CACNA1E: variants seen among roughly 807,000 people sequenced by gnomAD.
CACNA1E encodes the protein voltage-dependent R-type calcium channel subunit alpha-1E.
CACNA1E carries 40 observed loss-of-function variants against 259.2 expected under a neutral mutation model. The ratio of observed to expected loss-of-function variants is 0.15; its 90% CI spans 0.12 to 0.20. The LOEUF is 0.20. Among genes scored for constraint, CACNA1E ranks in the 10% least tolerant of loss-of-function variants. CACNA1E has a pLI of 1.00. For missense variants in CACNA1E, 1,874 were observed against 3,040.1 expected (o/e 0.62, Z 9.02); for synonymous variants, 1,104 against 1,138.5 (o/e 0.97, Z 0.61).
chr1:181,784,728 A>G lies in CACNA1E; in HGVS notation c.5538A>G (p.Leu1846=). Residue 1846 remains leucine, a synonymous_variant, in exon 41 of 48, where the codon CTA becomes CTG. Coordinates refer to ENST00000367573, the MANE Select transcript of CACNA1E (RefSeq NM_001205293.3). ...QKETLAIWPH[L]SQKMLDLLVP... ...AGACCCTAGCCATCTGGCCTCACCT[A>G]TCCCAGAAGATGCTGGATCTGCTTG... is the stretch of plus-strand genomic sequence containing the variant. 1 of 1,584,748 alleles carries G rather than the reference A, an allele frequency of 6.3e-7. No individual in the cohort carries two copies. The highest frequency in any genetic ancestry group is 1.8e-5 in the Admixed American group (1 of 56,458).
rs10708641 is a variant in CACNA1E, at chr1:181,439,333, A to ATT, written c.434+25767_434+25768dup. Among the ~76,000 whole-genome samples, 195 of 148,028 alleles carry ATT rather than the reference A, an allele frequency of 1.3e-3. 1 individual carries two copies. Among genetic ancestry groups the ATT allele is most frequent in the African/African-American group, 4.5e-3 (182 of 40,404 alleles). On this transcript the variant is annotated intron_variant, in intron 2 of 11. Coordinates refer to the CACNA1E transcript ENST00000524607. Reference sequence around the variant, plus strand: ...GAAGGTTAGAGTTTCCCAAATTTAGATTTTTTTTTTTTTTTAAAGAACTGC... The same window carrying ATT: ...GAAGGTTAGAGTTTCCCAAATTTAGATTTTTTTTTTTTTTTTTAAAGAACTGC...
chr1:181,739,455 G>A (rs1278328139), intron 25 of CACNA1E, among the ~76,000 whole-genome samples: 3 of 152,184 alleles, frequency 2.0e-5, no homozygotes, highest in Non-Finnish European at 2.9e-5. Context: ...GCAGAACGGG[G>A]GAAGCAGGAG....
intron 1 of CACNA1E, among the ~76,000 whole-genome samples, chr1:181,372,118 T>C (rs1654750829): frequency 6.6e-6 from 1 of 152,238 alleles, no homozygotes; most frequent in Non-Finnish European, 1.5e-5. Context: ...AATAGTTTCT[T>C]ATAATTCTGT....
intron 1 of CACNA1E, among the ~76,000 whole-genome samples, chr1:181,498,559 T>C (rs1355072930): frequency 6.6e-6 from 1 of 152,240 alleles, no homozygotes; most frequent in African/African-American, 2.4e-5. Flanking sequence ...GTTGTAATCA[T>C]GTATGCTCTT....
chr1:181,487,140 C>T (rs1372390941), intron 1 of CACNA1E, among the ~76,000 whole-genome samples: 1 of 151,836 alleles, frequency 6.6e-6, no homozygotes, highest in East Asian at 1.9e-4. Flanking sequence ...GTTTGTGTTA[C>T]AACACGTTTT....
At chr1:181,590,055 G>C (rs781021869) in intron 6 of CACNA1E, among the ~76,000 whole-genome samples, 1 of 152,102 alleles carries the variant, frequency 6.6e-6, no homozygotes, top group Non-Finnish European at 1.5e-5. Flanking sequence ...AACAATATGC[G>C]TAGATTTACA....
chr1:181,604,594 T>C (rs1213685502), intron 6 of CACNA1E, among the ~76,000 whole-genome samples: 1 of 152,238 alleles, frequency 6.6e-6, no homozygotes, highest in African/African-American at 2.4e-5. Flanking sequence ...TCTAATGCCA[T>C]TTTCTATTGA....
chr1:181,334,979 C>T (rs1339037934), intron 1 of CACNA1E, among the ~76,000 whole-genome samples: 1 of 152,216 alleles, frequency 6.6e-6, no homozygotes, highest in Non-Finnish European at 1.5e-5. Context: ...TCCAGTTGCA[C>T]AGGTTCCTTG....
intron 32 of CACNA1E, among the ~76,000 whole-genome samples, chr1:181,762,118 A>G (rs1658630665): frequency 6.6e-6 from 1 of 152,240 alleles, no homozygotes; most frequent in African/African-American, 2.4e-5. Context: ...TTGACGCAAT[A>G]GAGATAATTT....
intron 6 of CACNA1E, among the ~76,000 whole-genome samples, chr1:181,620,481 T>C (rs1655626953): frequency 6.6e-6 from 1 of 152,182 alleles, no homozygotes; most frequent in South Asian, 2.1e-4. Context: ...AAGGTGAGAC[T>C]TAGGTAGAGT....
At chr1:181,435,664 G>C (rs1278268736) in intron 2 of CACNA1E, among the ~76,000 whole-genome samples, 1 of 152,118 alleles carries the variant, frequency 6.6e-6, no homozygotes, top group Non-Finnish European at 1.5e-5. Flanking sequence ...CTGCCACATA[G>C]TAGGCTCCCA....
At chr1:181,348,016 G>A (rs925486439) in intron 1 of CACNA1E, among the ~76,000 whole-genome samples, 2 of 152,246 alleles carry the variant, frequency 1.3e-5, no homozygotes, top group South Asian at 2.1e-4. Flanking sequence ...CTCTGGGAGT[G>A]CAGCCAGGGC....
At chr1:181,607,155 G>A (rs1021377041) in intron 6 of CACNA1E, among the ~76,000 whole-genome samples, 1 of 152,164 alleles carries the variant, frequency 6.6e-6, no homozygotes, top group Non-Finnish European at 1.5e-5. Context: ...GAATAAATGA[G>A]TGAATCTATC....
intron 1 of CACNA1E, among the ~76,000 whole-genome samples, chr1:181,358,341 A>G (rs7541200): frequency 0.056 from 8,479 of 152,278 alleles, 392 homozygotes; most frequent in African/African-American, 0.12. Context: ...CTGGAAGTGT[A>G]TGAAATCATG....
intron 3 of CACNA1E, among the ~76,000 whole-genome samples, chr1:181,563,410 A>G (rs980183236): frequency 3.9e-5 from 6 of 152,198 alleles, no homozygotes; most frequent in African/African-American, 9.6e-5. Flanking sequence ...TTTAAACTAG[A>G]TATTTCCCAG....
At chr1:181,665,356 C>A (rs1648115615) in intron 7 of CACNA1E, among the ~76,000 whole-genome samples, 1 of 152,176 alleles carries the variant, frequency 6.6e-6, no homozygotes, top group Admixed American at 6.5e-5. Flanking sequence ...ATGATTGTGC[C>A]ATTCTCTGAA....
intron 1 of CACNA1E, among the ~76,000 whole-genome samples, chr1:181,394,110 C>T (rs538914890): frequency 4.6e-5 from 7 of 151,830 alleles, no homozygotes; most frequent in Non-Finnish European, 1.0e-4. Context: ...GTTGCTGACT[C>T]AGTCCAGGTG....
At chr1:181,585,807 G>T (rs1208176936) in intron 6 of CACNA1E, among the ~76,000 whole-genome samples, 1 of 152,186 alleles carries the variant, frequency 6.6e-6, no homozygotes. Context: ...AGCACAGTGG[G>T]TTGAACTGCA....
At chr1:181,408,921 C>T (rs1483314081) in intron 1 of CACNA1E, among the ~76,000 whole-genome samples, 4 of 152,174 alleles carry the variant, frequency 2.6e-5, no homozygotes, top group East Asian at 1.9e-4. Flanking sequence ...CAACTTTGCT[C>T]TCAGGAAGCT....
Sources: gnomAD v4.1 joint callset for allele counts (sites outside exome capture counted in the v4.1 genomes callset) on GRCh38, gnomAD v4.1.1 for gene constraint, MANE v1.5 for transcripts, NCBI Gene and HGNC (gene_info 2026-07-23, HGNC 2026-07-21) for gene names.